Variants in ABCA9 observed in about 807,000 individuals in gnomAD.
The protein encoded by ABCA9 is ATP binding cassette subfamily A member 9, also known as ATP-binding cassette sub-family A member 9.
Under a neutral mutation model 205.3 loss-of-function variants are expected in ABCA9, and 183 were observed. That is an observed-to-expected ratio of 0.89 (90% confidence interval 0.79 to 1.01). The LOEUF is 1.01. Among genes scored for constraint, ABCA9 ranks in the 50% least tolerant of loss-of-function variants. The pLI, the probability that ABCA9 is intolerant of heterozygous loss-of-function variation, is 0.00. For missense variants in ABCA9, 1,805 were observed against 1,912.4 expected (o/e 0.94, Z 1.05); for synonymous variants, 651 against 683.3 (o/e 0.95, Z 0.74).
chr17:69,051,630 T>C (rs997628246), intron 1 of ABCA9: 1 of 153,636 alleles, frequency 6.5e-6, no homozygotes, highest in Non-Finnish European at 1.4e-5. Flanking sequence ...CTTTATAATG[T>C]AGATTATTGT....
chr17:69,010,142 A>G (rs1273319792), intron 23 of ABCA9, among the ~76,000 whole-genome samples: 2 of 150,450 alleles, frequency 1.3e-5, no homozygotes, highest in African/African-American at 2.4e-5. Context: ...TGTGCTGATG[A>G]TGTTTATTCC....
intron 28 of ABCA9, 97 bp downstream of exon 28, chr17:68,992,078 T>C: frequency 1.3e-6 from 1 of 798,508 alleles, no homozygotes; most frequent in South Asian, 2.1e-5. Flanking sequence ...AAAACCATCC[T>C]GTGAAGTGTC....
Position 69,044,598 on chromosome 17 carries a change from G to A in ABCA9, c.472C>T (p.His158Tyr). 1 of 1,611,974 alleles carries A rather than the reference G, an allele frequency of 6.2e-7. No homozygotes were observed. Among genetic ancestry groups the A allele is most frequent in the Non-Finnish European group, 8.5e-7 (1 of 1,178,872 alleles). The change falls in exon 5 of 39, where the codon CAC (histidine) becomes TAC (tyrosine). Residue 158 changes from histidine (H) to tyrosine (Y), a missense_variant and splice_region_variant. By Grantham distance (83) the His-to-Tyr change is moderately conservative (BLOSUM62 2). Coordinates refer to ENST00000340001, the MANE Select transcript of ABCA9 (RefSeq NM_080283.4). The stretch of plus-strand genomic sequence containing the variant: ...ATTTTTTCATTCACTGCTTGACAGT[G>A]AGCTTTAGAAGAAGAACACATCCAT... ...MMKEHRDHSA[H>Y]CQAVNEKMKC...
chr17:69,045,212 T>C lies in ABCA9; in HGVS notation c.429A>G (p.Gly143=). 1.2e-6 allele frequency: 2 copies of C among 1,613,198 alleles called. No individual in the cohort carries two copies. The highest frequency in any genetic ancestry group is 2.2e-5 in the South Asian group (2 of 91,048). Residue 143 remains glycine, a synonymous_variant, in exon 4 of 39, where the codon GGA becomes GGG. Transcript: ENST00000340001. ...GCTCTTTCATCATGGGGATTCTATG[T>C]CCCCAAGAAAACTTCAAATGGTAGG... is the stretch of plus-strand genomic sequence containing the variant. ...TFSYHLKFSW[G]HRIPMMKEHR... is the part of the protein sequence containing the mutation.
chr17:69,018,456 T>C lies in ABCA9; in HGVS notation c.2724A>G (p.Gln908=), dbSNP rs565590195. 17 of 1,605,476 alleles carry C rather than the reference T, an allele frequency of 1.1e-5. No homozygotes were observed. The East Asian group carries it at 3.8e-4, about 36-fold the overall frequency. The change falls in exon 20 of 39, where the codon CAA becomes CAG. Residue 908 remains glutamine (Q), a synonymous_variant. Coordinates refer to ENST00000340001, the MANE Select transcript of ABCA9 (RefSeq NM_080283.4). ...GTAAATGGGTCAGAGGATCCTGTGG[T>C]TGTTGTCCTGGTGAGAGGAAGTATG... ...PNTYFLSPGQ[Q]PQDPLTHLLV... is the part of the protein sequence containing the mutation.
chr17:69,011,970 T>C lies in ABCA9; in HGVS notation c.3147+6A>G. 6.2e-7 allele frequency: 1 copy of C among 1,600,056 alleles called. No homozygotes were observed. The highest frequency in any genetic ancestry group is 8.5e-7 in the Non-Finnish European group (1 of 1,171,626). ...AAAAACATGTGAAGACTTTAACTCT[T>C]CTTACTTTGTAGTCACCAATGCTGC... On this transcript the variant is annotated splice_donor_region_variant and intron_variant, in intron 23 of 38. Coordinates refer to ENST00000340001, the MANE Select transcript of ABCA9 (RefSeq NM_080283.4).
At chr17:69,056,270 GACTA>G (rs980927719) in intron 1 of ABCA9, among the ~76,000 whole-genome samples, 1 of 151,942 alleles carries the variant, frequency 6.6e-6, no homozygotes, top group Non-Finnish European at 1.5e-5. Context: ...CCTCTACCAA[GACTA>G]ACTAAGAAAA....
chr17:69,011,945 A>G, intron 23 of ABCA9, 31 bp downstream of exon 23: 1 of 1,516,210 alleles, frequency 6.6e-7, no homozygotes, highest in South Asian at 1.2e-5. Flanking sequence ...TCTAGATATA[A>G]AAAACATGTG....
chr17:69,060,377 A>G (rs2072203375), intron 1 of ABCA9, among the ~76,000 whole-genome samples: 1 of 152,204 alleles, frequency 6.6e-6, no homozygotes, highest in Non-Finnish European at 1.5e-5. Context: ...AAAATTTTAA[A>G]ATAGTTACTA....
At chr17:68,999,807 A>C (rs1367795492) in intron 25 of ABCA9, among the ~76,000 whole-genome samples, 1 of 151,564 alleles carries the variant, frequency 6.6e-6, no homozygotes, top group Non-Finnish European at 1.5e-5. Flanking sequence ...TGACTTTTTA[A>C]TGATTGCCAT....
intron 1 of ABCA9, among the ~76,000 whole-genome samples, chr17:69,058,890 T>G (rs1220907761): frequency 6.6e-6 from 1 of 151,516 alleles, no homozygotes; most frequent in East Asian, 1.9e-4. Context: ...GGAAAGAGGT[T>G]TAACTGACTC....
chr17:69,071,104 G>C, the ABCA9 span, among the ~76,000 whole-genome samples: 2 of 152,208 alleles, frequency 1.3e-5, no homozygotes, highest in African/African-American at 4.8e-5. Flanking sequence ...GGGGCTTATA[G>C]ATAAAACTCT....
intron 6 of ABCA9, 83 bp downstream of exon 6, chr17:69,043,406 G>T: frequency 8.4e-7 from 1 of 1,185,636 alleles, no homozygotes; most frequent in Non-Finnish European, 1.2e-6. Context: ...CCTGGGGCTT[G>T]GGGACCCCTG....
intron 5 of ABCA9, 135 bp downstream of exon 5, chr17:69,044,362 T>G: frequency 2.7e-6 from 2 of 734,690 alleles, no homozygotes; most frequent in Non-Finnish European, 4.3e-6. Context: ...GTACAATGGT[T>G]TTATTATGGA....
chr17:68,983,763 T>A lies in ABCA9; in HGVS notation c.4586A>T (p.Glu1529Val). The change falls in exon 36 of 39, where the codon GAG (glutamate) becomes GTG (valine). Residue 1529 changes from glutamate to valine, a missense_variant. Coordinates refer to ENST00000340001, the MANE Select transcript of ABCA9 (RefSeq NM_080283.4). ...CCTCAGGATCTCTGCATGGAGGGGC[T>A]CCATTTGTGCCAGGTTCTTCAGCTT... is the stretch of plus-strand genomic sequence containing the variant. ...EMKLKNLAQM[E>V]PLHAEILRLF... 6.2e-7 allele frequency: 1 copy of A among 1,614,208 alleles called. No homozygotes were observed. The highest frequency in any genetic ancestry group is 8.5e-7 in the Non-Finnish European group (1 of 1,180,042).
In ABCA9 at chr17:69,033,711, C is replaced by T; in HGVS notation, c.1276+15G>A. 1 of 1,575,762 alleles carries T rather than the reference C, an allele frequency of 6.3e-7. No individual in the cohort carries two copies. Among genetic ancestry groups the T allele is most frequent in the South Asian group, 1.2e-5 (1 of 84,288 alleles). On this transcript the variant is annotated intron_variant, in intron 9 of 38. Coordinates refer to ENST00000340001, the MANE Select transcript of ABCA9 (RefSeq NM_080283.4). ...TATTGAAATTGTGTTAAATTACAGC[C>T]ATGTTAGTACTTACCGGGCAAAATT... is the stretch of plus-strand genomic sequence containing the variant.
Position 69,043,678 on chromosome 17 carries a change from G to A in ABCA9, c.611C>T (p.Ser204Leu). 2.5e-6 allele frequency: 4 copies of A among 1,609,944 alleles called. No homozygotes were observed. Among genetic ancestry groups the A allele is most frequent in the Non-Finnish European group, 1.7e-6 (2 of 1,178,806 alleles). ...TNHSVMEQLM[S>L]VTGVHMKILP... ...TATCTTCATATGTACACCAGTAACT[G>A]ACATCAGCTGTTCCATCACTGAATG... is the stretch of plus-strand genomic sequence containing the variant. The change falls in exon 6 of 39, where the codon TCA becomes TTA. Residue 204 changes from serine to leucine, a missense_variant. By Grantham distance (145) the Ser-to-Leu change is moderately radical (BLOSUM62 -2). Coordinates refer to ENST00000340001, the MANE Select transcript of ABCA9 (RefSeq NM_080283.4).
intron 2 of ABCA9, 127 bp from the exon 3 acceptor site, chr17:69,049,617 T>C (rs2071836234): frequency 1.3e-6 from 1 of 759,516 alleles, no homozygotes; most frequent in Non-Finnish European, 2.0e-6. Context: ...TTTCTCCTAG[T>C]TTTTAAATAT....
chr17:69,049,327 G>A lies in ABCA9; in HGVS notation c.260C>T (p.Thr87Ile), dbSNP rs974409800. 6.2e-7 allele frequency: 1 copy of A among 1,613,224 alleles called. No homozygotes were observed. The highest frequency in any genetic ancestry group is 8.5e-7 in the Non-Finnish European group (1 of 1,179,522). The change falls in exon 3 of 39, where the codon ACC becomes ATC. Residue 87 changes from threonine (T) to isoleucine (I), a missense_variant. Physicochemically the swap from Thr to Ile is moderately conservative, Grantham distance 89 (BLOSUM62 -1). Coordinates refer to ENST00000340001, the MANE Select transcript of ABCA9 (RefSeq NM_080283.4). ...AGCCACTTTGTTCATTATCTCTTGG[G>A]TAGTTTTGGATTCAGGTGCAAATGC... The part of the protein sequence containing the change: ...VIAFAPESKT[T>I]QEIMNKVASA...
Sources: gnomAD v4.1 joint callset for allele counts (sites outside exome capture counted in the v4.1 genomes callset) on GRCh38, gnomAD v4.1.1 for gene constraint, MANE v1.5 for transcripts, NCBI Gene and HGNC (gene_info 2026-07-23, HGNC 2026-07-21) for gene names.